Variants in PLCB4 observed in about 807,000 individuals in gnomAD.
PLCB4 encodes phospholipase C beta 4, also known as 1-phosphatidylinositol 4,5-bisphosphate phosphodiesterase beta-4.
In PLCB4, 77 loss-of-function variants were observed where a neutral mutation model predicts 178.8. The ratio of observed to expected loss-of-function variants is 0.43; its 90% CI spans 0.36 to 0.52. The LOEUF is 0.52. PLCB4 is among the 20% of genes least tolerant of loss of function. The pLI, the probability that PLCB4 is intolerant of heterozygous loss-of-function variation, is 0.00. For synonymous variants in PLCB4, 496 were observed against 490.8 expected, an observed-to-expected ratio of 1.01 and a Z score of -0.14; for missense variants, 1,024 against 1,453.4, an observed-to-expected ratio of 0.70 and a Z score of 4.80.
chr20:9,383,489 T>C (rs929101805), intron 13 of PLCB4, among the ~76,000 whole-genome samples: 1 of 152,216 alleles, frequency 6.6e-6, no homozygotes, highest in African/African-American at 2.4e-5. Context: ...CAACCATTTA[T>C]AAGTTGCATA....
intron 4 of PLCB4, among the ~76,000 whole-genome samples, chr20:9,314,744 C>G (rs1213144449): frequency 6.6e-6 from 1 of 152,066 alleles, no homozygotes; most frequent in Non-Finnish European, 1.5e-5. Context: ...TCTCTCAGTC[C>G]TCTTCTCTCA....
chr20:9,338,204 G>A, intron 6 of PLCB4, 137 bp downstream of exon 6: 1 of 642,888 alleles, frequency 1.6e-6, no homozygotes, highest in Non-Finnish European at 2.9e-6. Context: ...AGAATAGCAT[G>A]TGGTTGCTGG....
chr20:9,295,935 A>G (rs374785681), intron 3 of PLCB4, among the ~76,000 whole-genome samples: 2 of 152,186 alleles, frequency 1.3e-5, no homozygotes, highest in East Asian at 3.8e-4. Flanking sequence ...ACCATTCAGG[A>G]CATAGGCATG....
chr20:9,279,105 GA>G (rs1235976470), intron 3 of PLCB4, among the ~76,000 whole-genome samples: 1 of 152,042 alleles, frequency 6.6e-6, no homozygotes, highest in African/African-American at 2.4e-5. Flanking sequence ...GAAACTGTGG[GA>G]AAAATTTGGA....
At chr20:9,408,370 G>A (rs1479249971) in intron 22 of PLCB4, among the ~76,000 whole-genome samples, 1 of 133,104 alleles carries the variant, frequency 7.5e-6, no homozygotes, top group East Asian at 2.4e-4. Flanking sequence ...AAAAACATAA[G>A]AAGTATTTAA....
At chr20:9,158,432 ATTT>A (rs371785974) in intron 2 of PLCB4, among the ~76,000 whole-genome samples, 1 of 140,128 alleles carries the variant, frequency 7.1e-6, no homozygotes, top group Non-Finnish European at 1.6e-5. Context: ...CACCTGGCTA[ATTT>A]TTTTTTTTTT....
rs778937148 is a variant in PLCB4 at position 9,438,365 on chromosome 20, TAAAAAAAAA to T, written c.2764+1223_2764+1231del. Reference sequence around the variant, plus strand: ...TGGGTGAAAGAGGGAGACTATATCTTAAAAAAAAAAAAAAAAAAGAAAGAAAGAAATAAG... The same window carrying T: ...TGGGTGAAAGAGGGAGACTATATCTTAAAAAAAAAGAAAGAAAGAAATAAG... On this transcript the variant is annotated intron_variant, in intron 30 of 39. Transcript: ENST00000378473. Among the ~76,000 whole-genome samples the T allele has an allele frequency of 3.7e-3, 447 of 120,002 alleles. 1 individual carries two copies. Among genetic ancestry groups the T allele is most frequent in the Non-Finnish European group, 5.8e-3 (335 of 58,086 alleles). 78.7% of individuals were successfully genotyped at this position (120,002 alleles called of 152,430 possible).
chr20:9,389,820 T>C lies in PLCB4; in HGVS notation c.1159-59T>C, dbSNP rs2037988913. The C allele has an allele frequency of 8.0e-6, 7 of 872,520 alleles. No individual in the cohort carries two copies. In the East Asian group the frequency reaches 1.7e-4, roughly 21 times the overall value. The allele number at this position is 872,520 out of a possible 1,614,324, so 54.0% of individuals were successfully genotyped here. ...CTCAATTAATAGTCTCTGAATAGTTTTGGGTGCCTTAATTTTTTTGCTCTT... is the reference window on the plus strand; with the variant it reads ...CTCAATTAATAGTCTCTGAATAGTTCTGGGTGCCTTAATTTTTTTGCTCTT... On this transcript the variant is annotated intron_variant, in intron 15 of 39. Transcript: ENST00000378473.
At chr20:9,093,913 G>A (rs370729412) in intron 1 of PLCB4, among the ~76,000 whole-genome samples, 2 of 152,038 alleles carry the variant, frequency 1.3e-5, no homozygotes, top group African/African-American at 2.4e-5. Flanking sequence ...GTCAAATTGC[G>A]TGGTATAATC....
intron 3 of PLCB4, among the ~76,000 whole-genome samples, chr20:9,296,684 A>G (rs1042860755): frequency 5.9e-5 from 9 of 152,296 alleles, no homozygotes; most frequent in Middle Eastern, 3.4e-3. Context: ...AGCCATAAAA[A>G]AGGATGAGTT....
intron 35 of PLCB4, among the ~76,000 whole-genome samples, chr20:9,466,402 G>A (rs1044840886): frequency 6.6e-6 from 1 of 152,114 alleles, no homozygotes; most frequent in African/African-American, 2.4e-5. Context: ...AAAACAAAAA[G>A]CAATGGCCAC....
chr20:9,300,788 T>C (rs1209456277), intron 3 of PLCB4, among the ~76,000 whole-genome samples: 2 of 152,162 alleles, frequency 1.3e-5, no homozygotes, highest in Non-Finnish European at 2.9e-5. Flanking sequence ...TCCAAACTTA[T>C]TTGGCAACTT....
At chr20:9,210,463 G>T (rs938547885) in intron 2 of PLCB4, among the ~76,000 whole-genome samples, 1 of 152,066 alleles carries the variant, frequency 6.6e-6, no homozygotes, top group Non-Finnish European at 1.5e-5. Flanking sequence ...CACTTGGGTC[G>T]GTGAGAGGAG....
At chr20:9,078,670 A>AT (rs1363524549) in intron 1 of PLCB4, among the ~76,000 whole-genome samples, 1 of 152,160 alleles carries the variant, frequency 6.6e-6, no homozygotes, top group African/African-American at 2.4e-5. Context: ...CTGCTACACC[A>AT]TGTTTTCTTT....
chr20:9,316,971 A>G (rs892558990), intron 4 of PLCB4, among the ~76,000 whole-genome samples: 4 of 152,198 alleles, frequency 2.6e-5, no homozygotes, highest in African/African-American at 7.2e-5. Context: ...CTCATGCTGA[A>G]AAGTCATAGA....
intron 30 of PLCB4, among the ~76,000 whole-genome samples, chr20:9,439,503 T>C (rs1217990218): frequency 6.6e-6 from 1 of 152,124 alleles, no homozygotes; most frequent in East Asian, 1.9e-4. Context: ...CACAGATAGA[T>C]TTTATCTGAT....
chr20:9,443,890 C>A, intron 30 of PLCB4, 91 bp from the exon 31 acceptor site: 4 of 730,312 alleles, frequency 5.5e-6, no homozygotes, highest in Admixed American at 2.5e-5. Flanking sequence ...CAAAGTCTTT[C>A]GATGAGATTT....
intron 1 of PLCB4, among the ~76,000 whole-genome samples, chr20:9,083,700 A>G (rs568142936): frequency 2.0e-5 from 3 of 152,280 alleles, no homozygotes; most frequent in African/African-American, 7.2e-5. Context: ...CATCAGTGGT[A>G]TAGACAAGTT....
At position 9,468,621 on chromosome 20, in the gene PLCB4, G is replaced by A. The variant is rs1322055051; in HGVS notation, c.3299G>A (p.Ser1100Asn). 6.2e-7 allele frequency: 1 copy of A among 1,612,378 alleles called. No individual in the cohort carries two copies. The highest frequency in any genetic ancestry group is 8.5e-7 in the Non-Finnish European group (1 of 1,178,616). ...CAGGCTAAGATTTCTATGGAAAATA[G>A]CAAAGCCATCAGCCAAGATAAATCT... ...AHQAKISMEN[S>N]KAISQDKSIK... The change falls in exon 36 of 40, where the codon AGC becomes AAC. Residue 1100 changes from serine (S) to asparagine (N), a missense_variant. Ser to Asn is a conservative substitution (Grantham distance 46). Around this residue, in one of 7 missense-constraint regions of PLCB4, gnomAD observed 264 missense variants for 283.2 expected, o/e 0.93. Transcript: ENST00000378473.
Sources: allele counts gnomAD v4.1 joint callset (sites outside exome capture counted in the v4.1 genomes callset), GRCh38; gene constraint gnomAD v4.1.1; regional missense constraint gnomAD v4.1.1; transcripts MANE v1.5; gene names NCBI Gene and HGNC (gene_info 2026-07-23, HGNC 2026-07-21).